LRRK1: variants seen among roughly 807,000 people sequenced by gnomAD.
LRRK1 encodes leucine rich repeat kinase 1.
In LRRK1, 113 loss-of-function variants were observed where a neutral mutation model predicts 209.1. The ratio of observed to expected loss-of-function variants is 0.54; its 90% confidence interval spans 0.46 to 0.63. The LOEUF (loss-of-function observed/expected upper bound fraction) is 0.63. Ranked by LOEUF, LRRK1 falls within the 30% of genes least tolerant of loss-of-function variation. The probability of loss-of-function intolerance (pLI) is 0.00; values close to 1 mark genes in which losing one functional copy is unlikely to be tolerated. For missense variants in LRRK1, 2,284 were observed against 2,632.2 expected, an observed-to-expected ratio of 0.87 and a Z score of 2.89; for synonymous variants, 1,144 against 1,099.7, an observed-to-expected ratio of 1.04 and a Z score of -0.80.
chr15:101,003,096 C>A (rs78438209), intron 6 of LRRK1, among the ~76,000 whole-genome samples: 7,030 of 152,324 alleles, frequency 0.046, 210 homozygotes, highest in Middle Eastern at 0.075. Context: ...GACACCTGGG[C>A]ACCCTGTAAT....
intron 29 of LRRK1, 37 bp from the exon 30 acceptor site, chr15:101,061,134 C>A: frequency 6.6e-7 from 1 of 1,522,974 alleles, no homozygotes; most frequent in Non-Finnish European, 9.1e-7. Flanking sequence ...AGCCCCTGGC[C>A]CCCGGGCACT....
At chr15:100,944,129 G>A (rs770410466) in intron 2 of LRRK1, among the ~76,000 whole-genome samples, 1 of 152,146 alleles carries the variant, frequency 6.6e-6, no homozygotes, top group Non-Finnish European at 1.5e-5. Flanking sequence ...GAGTGTTTCA[G>A]TTGCTGAGGA....
chr15:100,920,369 A>G (rs2042000106), intron 1 of LRRK1: 1 of 152,268 alleles, frequency 6.6e-6, no homozygotes, highest in African/African-American at 2.4e-5. Flanking sequence ...AGGGATAGCT[A>G]GAACATGCAC....
chr15:100,941,634 T>C (rs1042437686), intron 2 of LRRK1, among the ~76,000 whole-genome samples: 2 of 152,174 alleles, frequency 1.3e-5, no homozygotes, highest in African/African-American at 2.4e-5. Flanking sequence ...ATGCTGACTG[T>C]TCTGCTCGGG....
rs751170826 is a variant in LRRK1 at position 101,053,407 on chromosome 15, C to T, written c.4041C>T (p.Ser1347=). The change falls in exon 26 of 34, where the codon TCC becomes TCT. Residue 1347 remains serine, a synonymous_variant. Transcript: ENST00000388948. ...TCAGCAGCCTCAACACCGTGCTGTC[C>T]GAGAACGCCAGAGGTACCGCGGCGC... The part of the protein sequence containing the change: ...APLSSLNTVL[S]ENARDSSFIP... 7.5e-6 allele frequency: 12 copies of T among 1,594,824 alleles called. No individual in the cohort carries two copies. Among genetic ancestry groups the T allele is most frequent in the Non-Finnish European group, 4.2e-6 (5 of 1,177,230 alleles).
rs118180211 is a variant in LRRK1 at position 100,967,448 on chromosome 15, G to A, written c.98-6356G>A. On this transcript the variant is annotated intron_variant, in intron 2 of 33. Coordinates refer to ENST00000388948, the MANE Select transcript of LRRK1 (RefSeq NM_024652.6). ...TGCCTTTGAAATGGAGCAAGTCATGGCTTAGCGTGAGTTGTAAAGACCCTG... is the reference window on the plus strand; with the variant it reads ...TGCCTTTGAAATGGAGCAAGTCATGACTTAGCGTGAGTTGTAAAGACCCTG... Among the ~76,000 whole-genome samples the A allele has an allele frequency of 7.2e-5, 11 of 152,262 alleles. No individual in the cohort carries two copies. In the East Asian group the frequency reaches 2.1e-3, roughly 29 times the overall value.
At chr15:100,989,973 G>T (rs776493412) in intron 6 of LRRK1, among the ~76,000 whole-genome samples, 39 of 151,778 alleles carry the variant, frequency 2.6e-4, no homozygotes, top group Non-Finnish European at 4.9e-4. Flanking sequence ...AGTTATGAAT[G>T]ATTGTTATAA....
chr15:101,045,033 C>T (rs1479834748), intron 20 of LRRK1, among the ~76,000 whole-genome samples: 1 of 152,226 alleles, frequency 6.6e-6, no homozygotes, highest in Non-Finnish European at 1.5e-5. Context: ...CCCCGTCTAC[C>T]TTCACCAGCC....
chr15:100,992,692 G>A (rs1328267716), intron 6 of LRRK1, among the ~76,000 whole-genome samples: 2 of 152,000 alleles, frequency 1.3e-5, no homozygotes, highest in Non-Finnish European at 2.9e-5. Context: ...TTTTGAGATG[G>A]AGTTTCACTC....
chr15:100,966,129 G>A lies in LRRK1; in HGVS notation c.98-7675G>A, dbSNP rs2030438640. ...CTGAATAATCTCAAATAGTATAAATGTGTTTCCTACATTTTAAGTTTAAAT... is the reference window on the plus strand; with the variant it reads ...CTGAATAATCTCAAATAGTATAAATATGTTTCCTACATTTTAAGTTTAAAT... On this transcript the variant is annotated intron_variant, in intron 2 of 33. Transcript: ENST00000388948. 1.3e-5 allele frequency among the ~76,000 whole-genome samples: 2 copies of A among 152,150 alleles called. 1 individual carries two copies. Among genetic ancestry groups the A allele is most frequent in the South Asian group, 4.1e-4 (2 of 4,836 alleles).
intron 2 of LRRK1, among the ~76,000 whole-genome samples, chr15:100,926,866 G>A (rs546641489): frequency 2.0e-5 from 3 of 151,898 alleles, no homozygotes; most frequent in Admixed American, 2.0e-4. Flanking sequence ...TGTATTTTTA[G>A]TAGAGACGAA....
At chr15:101,020,237 A>ATAG (rs2033713998) in intron 12 of LRRK1, among the ~76,000 whole-genome samples, 1 of 152,176 alleles carries the variant, frequency 6.6e-6, no homozygotes, top group Non-Finnish European at 1.5e-5. Flanking sequence ...TAACAACTGT[A>ATAG]ACCTCTGTGC....
chr15:101,057,900 C>G, intron 28 of LRRK1, 90 bp from the exon 29 acceptor site: 1 of 1,389,938 alleles, frequency 7.2e-7, no homozygotes, highest in East Asian at 2.3e-5. Context: ...TCATTCCTCC[C>G]TGGTTGGGGC....
intron 3 of LRRK1, among the ~76,000 whole-genome samples, chr15:100,976,313 A>G (rs1488872577): frequency 6.6e-6 from 1 of 152,228 alleles, no homozygotes; most frequent in African/African-American, 2.4e-5. Context: ...CACAACCTCA[A>G]TACCAAGAGT....
chr15:100,977,832 C>T (rs1032096740), intron 3 of LRRK1, among the ~76,000 whole-genome samples: 14 of 152,048 alleles, frequency 9.2e-5, no homozygotes, highest in Admixed American at 5.9e-4. Flanking sequence ...AAAAATTACT[C>T]GTAATTACCA....
rs1034914964 is a variant in LRRK1, at chr15:101,014,311, C to A, written c.1420-5C>A. ...AGCTTCTCTCTCCCTCCCTCTCTCTCTCAGGCCCTCATGTTCTTGAGGTTA... is the reference window on the plus strand; with the variant it reads ...AGCTTCTCTCTCCCTCCCTCTCTCTATCAGGCCCTCATGTTCTTGAGGTTA... On this transcript the variant is annotated splice_region_variant and splice_polypyrimidine_tract_variant and intron_variant, in intron 10 of 33. Transcript: ENST00000388948. 17 of 1,603,338 alleles carry A rather than the reference C, an allele frequency of 1.1e-5. No individual in the cohort carries two copies. Among genetic ancestry groups the A allele is most frequent in the Middle Eastern group, 1.7e-4 (1 of 6,052 alleles).
chr15:101,010,507 G>C lies in LRRK1; in HGVS notation c.1047G>C (p.Leu349Phe). 2 of 1,612,598 alleles carry C rather than the reference G, an allele frequency of 1.2e-6. No homozygotes were observed. Among genetic ancestry groups the C allele is most frequent in the Non-Finnish European group, 1.7e-6 (2 of 1,179,630 alleles). ...NKLSHLPPGF[L>F]HLSKLQKLTA... is the part of the protein sequence containing the mutation. ...TGTCCCACCTCCCTCCTGGATTCTT[G>C]CACCTCTCAAAACTTCAAAAACTGA... Residue 349 changes from leucine to phenylalanine, a missense_variant, in exon 8 of 34, where the codon TTG (leucine) becomes TTC (phenylalanine). Leu to Phe is a conservative substitution (Grantham distance 22). Transcript: ENST00000388948.
chr15:100,961,002 G>A (rs187798995), intron 2 of LRRK1, among the ~76,000 whole-genome samples: 24 of 152,250 alleles, frequency 1.6e-4, no homozygotes, highest in South Asian at 2.1e-4. Context: ...GTCTTAGTTC[G>A]TTTTCTGTTG....
At chr15:101,049,219 C>A (rs753650076) in intron 22 of LRRK1, among the ~76,000 whole-genome samples, 3 of 152,204 alleles carry the variant, frequency 2.0e-5, no homozygotes, top group Non-Finnish European at 4.4e-5. Flanking sequence ...GCAAAATATT[C>A]TTCAGCTCTG....
Sources: gnomAD v4.1 joint callset for allele counts (sites outside exome capture counted in the v4.1 genomes callset) on GRCh38, gnomAD v4.1.1 for gene constraint, MANE v1.5 for transcripts, NCBI Gene and HGNC (gene_info 2026-07-23, HGNC 2026-07-21) for gene names.